ERCC1: variants seen among roughly 807,000 people sequenced by gnomAD.
The protein encoded by ERCC1 is ERCC excision repair 1, endonuclease non-catalytic subunit, also known as DNA excision repair protein ERCC-1.
A neutral mutation model predicts 37.6 loss-of-function variants in ERCC1; 36 were observed. That is an observed-to-expected ratio of 0.96 (90% CI 0.73 to 1.26). The LOEUF (loss-of-function observed/expected upper bound fraction) is 1.26. Ranked by LOEUF, ERCC1 falls within the 50% of genes most tolerant of loss-of-function variation. The pLI, the probability that ERCC1 is intolerant of heterozygous loss-of-function variation, is 0.00. For synonymous variants in ERCC1, 156 were observed against 162.1 expected (o/e 0.96, Z 0.28); for missense variants, 349 against 376.5 (o/e 0.93, Z 0.60).
chr19:45,412,929 TG>T (rs1973830579), intron 9 of ERCC1, among the ~76,000 whole-genome samples: 1 of 151,986 alleles, frequency 6.6e-6, no homozygotes, highest in South Asian at 2.1e-4. Flanking sequence ...TTAGTAAAGA[TG>T]GGGTGTCTCC....
At chr19:45,419,026 G>T in intron 5 of ERCC1, 72 bp downstream of exon 5, 1 of 1,004,490 alleles carries the variant, frequency 1.0e-6, no homozygotes, top group Non-Finnish European at 1.5e-6. Context: ...ATTTCCTCTT[G>T]GAAGGGATTC....
chr19:45,415,003 G>T lies in ERCC1; in HGVS notation c.603-43C>A. 10 of 1,451,562 alleles carry T rather than the reference G, an allele frequency of 6.9e-6. 1 individual carries two copies. The highest frequency in any genetic ancestry group is 2.8e-5 in the African/African-American group (2 of 71,826). The allele number at this position is 1,451,562 out of a possible 1,614,324, so 89.9% of individuals were successfully genotyped here. A position where few individuals can be genotyped will look rare whatever the true frequency, so the allele number is the denominator to read the frequency against. ...AGGGCAGCCGGGAGGTGAGGTATCAGATTATAGATTTGCTTCATTATGGTC... is the reference window on the plus strand; with the variant it reads ...AGGGCAGCCGGGAGGTGAGGTATCATATTATAGATTTGCTTCATTATGGTC... On this transcript the variant is annotated intron_variant, in intron 6 of 9. Coordinates refer to ENST00000300853, the MANE Select transcript of ERCC1 (RefSeq NM_001983.4).
chr19:45,408,017 G>A lies in ERCC1; in HGVS notation c.*1658C>T. On this transcript the variant is annotated 3_prime_UTR_variant, in exon 10 of 10. Coordinates refer to ENST00000300853, the MANE Select transcript of ERCC1 (RefSeq NM_001983.4). ...TGCAGTGAGCCGAGATCATGCCACTGCACTCCAGCCTAGGCAACAGAGCAA... is the reference window on the plus strand; with the variant it reads ...TGCAGTGAGCCGAGATCATGCCACTACACTCCAGCCTAGGCAACAGAGCAA... 7.4e-7 allele frequency: 1 copy of A among 1,358,628 alleles called. No homozygotes were observed. 84.2% of individuals were successfully genotyped at this position (1,358,628 alleles called of 1,614,324 possible). A position where few individuals can be genotyped will look rare whatever the true frequency, so the allele number is the denominator to read the frequency against.
At chr19:45,447,604 GT>G (rs1328245434) in intron 1 of ERCC1, among the ~76,000 whole-genome samples, 1 of 151,958 alleles carries the variant, frequency 6.6e-6, no homozygotes, top group East Asian at 1.9e-4. Context: ...GTATCTCTCT[GT>G]TTTCTTTTCT....
intron 6 of ERCC1, 104 bp from the exon 7 acceptor site, chr19:45,415,064 T>C: frequency 1.3e-6 from 1 of 799,956 alleles, no homozygotes. Context: ...CCGGGCGCGG[T>C]GGCTCACGCC....
At chr19:45,423,604 C>T (rs1974577943) in intron 1 of ERCC1, 177 bp downstream of exon 1, 1 of 1,395,342 alleles carries the variant, frequency 7.2e-7, no homozygotes, top group East Asian at 2.6e-5. Flanking sequence ...CGCTCCGCCC[C>T]TCGCCCCCAC....
At chr19:45,423,016 C>T (rs1974532865) in intron 2 of ERCC1, among the ~76,000 whole-genome samples, 1 of 152,144 alleles carries the variant, frequency 6.6e-6, no homozygotes, top group Non-Finnish European at 1.5e-5. Context: ...AATCAGGGTG[C>T]TGGCCTCGTA....
chr19:45,411,815 T>G (rs1356789837), intron 9 of ERCC1, among the ~76,000 whole-genome samples: 1 of 151,130 alleles, frequency 6.6e-6, no homozygotes, highest in Admixed American at 6.6e-5. Context: ...ATAAGCCATT[T>G]TAATAGAGCT....
At position 45,421,352 on chromosome 19, in the gene ERCC1, C is replaced by A. The variant is rs1974411039; in HGVS notation, c.147G>T (p.Val49=). ...GAGGGGCCGCCTGGGCCGAGGTGTC[C>A]ACAGTGGGAAGGCTCTGTGTAGATC... The part of the protein sequence containing the change: ...LFRSTQSLPT[V]DTSAQAAPQT... Residue 49 remains valine (V), a synonymous_variant, in exon 3 of 10, where the codon GTG becomes GTT. Coordinates refer to ENST00000300853, the MANE Select transcript of ERCC1 (RefSeq NM_001983.4). 1 of 1,613,816 alleles carries A rather than the reference C, an allele frequency of 6.2e-7. No individual in the cohort carries two copies. Among genetic ancestry groups the A allele is most frequent in the Non-Finnish European group, 8.5e-7 (1 of 1,180,028 alleles).
chr19:45,447,668 G>A (rs927056222), intron 1 of ERCC1, among the ~76,000 whole-genome samples: 7 of 151,660 alleles, frequency 4.6e-5, no homozygotes, highest in African/African-American at 1.5e-4. Flanking sequence ...TCTCTCTCAC[G>A]CCTCCACACT....
In ERCC1 at chr19:45,417,022, G is replaced by A. The variant is rs567514511; in HGVS notation, c.526-125C>T. On this transcript the variant is annotated intron_variant, in intron 5 of 9. Coordinates refer to ENST00000300853, the MANE Select transcript of ERCC1 (RefSeq NM_001983.4). ...TGAGGTGGGGGAACTGCTTGAACCC[G>A]GGAGGCAGACGTTGCAGTGAGCCAA... The A allele has an allele frequency of 3.6e-4, 260 of 725,374 alleles. 1 individual carries two copies. Among genetic ancestry groups the A allele is most frequent in the Non-Finnish European group, 5.6e-4 (228 of 407,964 alleles). The allele number at this position is 725,374 out of a possible 1,614,324, so 44.9% of individuals were successfully genotyped here. A position where few individuals can be genotyped will look rare whatever the true frequency, so the allele number is the denominator to read the frequency against.
intron 1 of ERCC1, among the ~76,000 whole-genome samples, chr19:45,441,335 G>C (rs535324980): frequency 2.7e-4 from 41 of 152,340 alleles, no homozygotes; most frequent in African/African-American, 9.1e-4. Context: ...CCCTGACCCT[G>C]CAGTGGGTGG....
intron 2 of ERCC1, among the ~76,000 whole-genome samples, chr19:45,422,027 C>T (rs917399120): frequency 6.6e-6 from 1 of 152,214 alleles, no homozygotes; most frequent in Admixed American, 6.5e-5. Flanking sequence ...ACTTCTCCCC[C>T]ACTCCTCAGC....
At chr19:45,411,454 T>TA (rs1488666686) in intron 9 of ERCC1, among the ~76,000 whole-genome samples, 1 of 39,030 alleles carries the variant, frequency 2.6e-5, no homozygotes, top group Non-Finnish European at 3.9e-5. Flanking sequence ...TCGCCACCAT[T>TA]TGTTATTGCC....
chr19:45,409,148 G>A lies in ERCC1; in HGVS notation c.*527C>T, dbSNP rs2336219. 0.17 allele frequency: 270,078 copies of A among 1,613,748 alleles called. 26,540 individuals carry two copies. Among genetic ancestry groups the A allele is most frequent in the East Asian group, 0.46 (20,588 of 44,846 alleles). On this transcript the variant is annotated 3_prime_UTR_variant, in exon 10 of 10. Coordinates refer to ENST00000300853, the MANE Select transcript of ERCC1 (RefSeq NM_001983.4). Reference sequence around the variant, plus strand: ...GAAGACGAAGAAAGAAAAACAGCAAGATGCCACAGTGGAGCCAGAGACAGA... The same window carrying A: ...GAAGACGAAGAAAGAAAAACAGCAAAATGCCACAGTGGAGCCAGAGACAGA...
At position 45,413,918 on chromosome 19, in the gene ERCC1, G is replaced by T. The variant is rs748462021; in HGVS notation, c.774+45C>A. The T allele has an allele frequency of 6.3e-6, 10 of 1,596,720 alleles. No homozygotes were observed. The South Asian group carries it at 9.9e-5, about 16-fold the overall frequency. On this transcript the variant is annotated intron_variant, in intron 8 of 9. Transcript: ENST00000300853. ...ATGGGTGACAGGCTTTCTAAAAAAG[G>T]CAAGGGGACAGAAATGCCTATGGGG...
intron 1 of ERCC1, among the ~76,000 whole-genome samples, chr19:45,436,021 C>T (rs1295636044): frequency 1.3e-5 from 2 of 152,152 alleles, no homozygotes; most frequent in South Asian, 2.1e-4. Flanking sequence ...CCACCTCATC[C>T]TCCCAAAGTG....
chr19:45,415,370 C>T lies in ERCC1; in HGVS notation c.603-410G>A, dbSNP rs190196458. On this transcript the variant is annotated intron_variant, in intron 6 of 9. Coordinates refer to ENST00000300853, the MANE Select transcript of ERCC1 (RefSeq NM_001983.4). ...AAAAAAAAAAGGCCGGGTGTGGTGG[C>T]TCACGCCTATAATCCCAGCACTTTG... Among the ~76,000 whole-genome samples, 7 of 148,674 alleles carry T rather than the reference C, an allele frequency of 4.7e-5. No homozygotes were observed. The Admixed American group carries it at 4.7e-4, about 10-fold the overall frequency.
rs1309510894 is a variant in ERCC1 at position 45,408,136 on chromosome 19, C to G, written c.*1539G>C. 1 of 1,595,300 alleles carries G rather than the reference C, an allele frequency of 6.3e-7. No individual in the cohort carries two copies. On this transcript the variant is annotated 3_prime_UTR_variant, in exon 10 of 10. Transcript: ENST00000300853. ...CCCTCCCTGTTTCTCTCTGTAGCTT[C>G]AATGGGCGGCATGTGCCTCTCTCTG... is the stretch of plus-strand genomic sequence containing the variant.
Sources: allele counts gnomAD v4.1 joint callset (sites outside exome capture counted in the v4.1 genomes callset), GRCh38; gene constraint gnomAD v4.1.1; transcripts MANE v1.5; gene names NCBI Gene and HGNC (gene_info 2026-07-23, HGNC 2026-07-21).